Variants in MORC3 observed in about 807,000 individuals in gnomAD.
MORC3 encodes MORC family CW-type zinc finger protein 3.
In MORC3, 31 loss-of-function variants were observed where a neutral mutation model predicts 109.1. That is an observed-to-expected ratio of 0.28 (90% confidence interval 0.21 to 0.38). MORC3 has a LOEUF of 0.38. Among genes scored for constraint, MORC3 ranks in the 10% least tolerant of loss-of-function variants. The pLI is 1.00. For synonymous variants in MORC3, 395 were observed against 380.7 expected (o/e 1.04, Z -0.44); for missense variants, 867 against 1,135.8 (o/e 0.76, Z 3.40).
chr21:36,333,552 T>G (rs1043093907), intron 1 of MORC3, 94 bp from the exon 2 acceptor site: 7 of 976,914 alleles, frequency 7.2e-6, no homozygotes, highest in South Asian at 5.4e-5. Context: ...TTTTGTTTGG[T>G]CTCAATGTTG....
intron 16 of MORC3, among the ~76,000 whole-genome samples, chr21:36,373,660 A>G (rs1295851257): frequency 6.6e-6 from 1 of 152,104 alleles, no homozygotes; most frequent in East Asian, 1.9e-4. Context: ...CGATTAAAGT[A>G]TTATCAAAGG....
intron 1 of MORC3, among the ~76,000 whole-genome samples, chr21:36,320,831 G>T (rs1429673094): frequency 6.6e-6 from 1 of 152,222 alleles, no homozygotes; most frequent in East Asian, 1.9e-4. Context: ...GAAGCCTTGG[G>T]GCCCAGACCC....
intron 15 of MORC3, 113 bp downstream of exon 15, chr21:36,369,989 G>A: frequency 8.0e-7 from 1 of 1,245,220 alleles, no homozygotes; most frequent in Admixed American, 2.2e-5. Context: ...CACTTGGGGA[G>A]GCCAAGGCGG....
At chr21:36,372,023 G>C (rs1052090258) in intron 15 of MORC3, among the ~76,000 whole-genome samples, 3 of 152,042 alleles carry the variant, frequency 2.0e-5, no homozygotes, top group South Asian at 4.1e-4. Context: ...ATTTTGGTCA[G>C]GCTGGTCTTA....
chr21:36,333,789 G>GTTT, intron 2 of MORC3, 71 bp downstream of exon 2: 27 of 936,394 alleles, frequency 2.9e-5, no homozygotes, highest in African/African-American at 3.9e-5. Flanking sequence ...GTTTTGTTTT[G>GTTT]TTTTTTTTTT....
intron 1 of MORC3, among the ~76,000 whole-genome samples, chr21:36,325,591 TC>T (rs1822755254): frequency 6.6e-6 from 1 of 152,220 alleles, no homozygotes; most frequent in Non-Finnish European, 1.5e-5. Context: ...AAAACCCTGT[TC>T]CCGTTAAATA....
chr21:36,336,827 C>G, intron 2 of MORC3, 47 bp from the exon 3 acceptor site: 2 of 1,542,194 alleles, frequency 1.3e-6, no homozygotes, highest in Non-Finnish European at 8.8e-7. Context: ...ACTAATTGCT[C>G]TTTTTAAAGT....
intron 2 of MORC3, among the ~76,000 whole-genome samples, chr21:36,334,636 C>A (rs1283310211): frequency 6.6e-6 from 1 of 152,234 alleles, no homozygotes; most frequent in African/African-American, 2.4e-5. Flanking sequence ...GTATGTGTAA[C>A]ATACAGCATG....
intron 6 of MORC3, among the ~76,000 whole-genome samples, chr21:36,342,621 C>G (rs544491139): frequency 2.0e-5 from 3 of 152,180 alleles, no homozygotes; most frequent in Non-Finnish European, 4.4e-5. Flanking sequence ...CCAGGCTGAT[C>G]TCAAACTCTT....
At chr21:36,347,074 A>G (rs1024065120) in intron 8 of MORC3, among the ~76,000 whole-genome samples, 17 of 152,126 alleles carry the variant, frequency 1.1e-4, no homozygotes, top group Admixed American at 9.8e-4. Context: ...GTTGCTTAAG[A>G]CATAACAGCG....
At chr21:36,351,647 G>A (rs1281818435) in intron 9 of MORC3, among the ~76,000 whole-genome samples, 3 of 152,186 alleles carry the variant, frequency 2.0e-5, no homozygotes, top group Non-Finnish European at 4.4e-5. Context: ...CCCATTGTGT[G>A]TATGTACCAT....
chr21:36,337,550 A>C (rs1470232714), intron 3 of MORC3, among the ~76,000 whole-genome samples, 182 bp from the exon 4 acceptor site: 1 of 152,174 alleles, frequency 6.6e-6, no homozygotes, highest in African/African-American at 2.4e-5. Flanking sequence ...AAAAATCAAC[A>C]ACAACAAAAA....
At chr21:36,326,113 G>A (rs1274998653) in intron 1 of MORC3, among the ~76,000 whole-genome samples, 2 of 151,852 alleles carry the variant, frequency 1.3e-5, no homozygotes, top group Non-Finnish European at 2.9e-5. Context: ...AGGCTGAGGC[G>A]GGAGAATCGC....
intron 14 of MORC3, among the ~76,000 whole-genome samples, chr21:36,368,027 C>T (rs986609498): frequency 6.6e-6 from 1 of 151,916 alleles, no homozygotes; most frequent in Admixed American, 6.6e-5. Context: ...ATGAGACAGT[C>T]CAAAAAAGAG....
In MORC3 at chr21:36,326,895, A is replaced by C. The variant is rs547037104; in HGVS notation, c.39+6592A>C. On this transcript the variant is annotated intron_variant, in intron 1 of 16. Coordinates refer to ENST00000400485, the MANE Select transcript of MORC3 (RefSeq NM_015358.3). The stretch of plus-strand genomic sequence containing the variant: ...CATTGGTGCGATCTCGGCTCACTGC[A>C]ACCTCTGCTTCCCGGGTTTAAGCGA... Among the ~76,000 whole-genome samples the C allele has an allele frequency of 7.3e-5, 11 of 150,838 alleles. No homozygotes were observed. The East Asian group carries it at 2.1e-3, about 29-fold the overall frequency.
intron 10 of MORC3, 121 bp downstream of exon 10, chr21:36,356,845 A>G: frequency 1.8e-6 from 1 of 571,180 alleles, no homozygotes; most frequent in Admixed American, 3.8e-5. Flanking sequence ...AAATTCTGCA[A>G]CATGAATTAG....
At position 36,320,258 on chromosome 21, in the gene MORC3, G is replaced by C; in HGVS notation, c.-7G>C. 2 of 1,580,556 alleles carry C rather than the reference G, an allele frequency of 1.3e-6. No homozygotes were observed. Among genetic ancestry groups the C allele is most frequent in the Non-Finnish European group, 1.7e-6 (2 of 1,164,912 alleles). On this transcript the variant is annotated 5_prime_UTR_variant, in exon 1 of 17. Coordinates refer to ENST00000400485, the MANE Select transcript of MORC3 (RefSeq NM_015358.3). ...GAGGCCGTTCCTGGCTTTGTAGCTC[G>C]CTCAAGATGGCGGCGCAGCCACCCC...
At chr21:36,335,590 A>C (rs2085367298) in intron 2 of MORC3, among the ~76,000 whole-genome samples, 1 of 152,216 alleles carries the variant, frequency 6.6e-6, no homozygotes, top group Non-Finnish European at 1.5e-5. Flanking sequence ...TGCTGGGATT[A>C]CAGGCATGAG....
At chr21:36,357,744 T>G (rs1212519297) in intron 10 of MORC3, among the ~76,000 whole-genome samples, 2 of 147,874 alleles carry the variant, frequency 1.4e-5, no homozygotes, top group African/African-American at 2.5e-5. Flanking sequence ...TTTTTTTTTT[T>G]GGTTTTTTTT....
Sources: gnomAD v4.1 joint callset for allele counts (sites outside exome capture counted in the v4.1 genomes callset) on GRCh38, gnomAD v4.1.1 for gene constraint, MANE v1.5 for transcripts, NCBI Gene and HGNC (gene_info 2026-07-23, HGNC 2026-07-21) for gene names.